CSGALNACT1: variants seen among roughly 807,000 people sequenced by gnomAD.
The protein encoded by CSGALNACT1 is beta4GalNAcT-1.
A neutral mutation model predicts 51.0 loss-of-function variants in CSGALNACT1; 52 were observed. The ratio of observed to expected loss-of-function variants is 1.02; its 90% CI spans 0.82 to 1.29. The LOEUF is 1.29. Ranked by LOEUF, CSGALNACT1 falls within the 50% of genes most tolerant of loss-of-function variation. The probability of loss-of-function intolerance (pLI) is 0.00; values close to 1 mark genes in which losing one functional copy is unlikely to be tolerated. For synonymous variants in CSGALNACT1, 341 were observed against 254.4 expected (o/e 1.34, Z -3.24); for missense variants, 935 against 679.2 (o/e 1.38, Z -4.19).
intron 3 of CSGALNACT1, among the ~76,000 whole-genome samples, chr8:19,544,155 G>C (rs1054664893): frequency 1.3e-5 from 2 of 151,858 alleles, no homozygotes; most frequent in African/African-American, 4.8e-5. Context: ...CAAGGACATG[G>C]CTGTCAAACT....
intron 4 of CSGALNACT1, among the ~76,000 whole-genome samples, chr8:19,462,068 C>G (rs1306733902): frequency 3.3e-5 from 5 of 152,188 alleles, no homozygotes; most frequent in African/African-American, 1.2e-4. Flanking sequence ...CGGCCACATT[C>G]ACCACAGATG....
intron 4 of CSGALNACT1, among the ~76,000 whole-genome samples, chr8:19,481,267 C>T (rs1034617256): frequency 2.0e-5 from 3 of 152,090 alleles, no homozygotes; most frequent in African/African-American, 7.2e-5. Context: ...GGTGTCTGTC[C>T]TTATAGTCTG....
At chr8:19,474,869 G>GAAAAAAAAAAAAA (rs10683237) in intron 4 of CSGALNACT1, among the ~76,000 whole-genome samples, 13 of 86,052 alleles carry the variant, frequency 1.5e-4, no homozygotes, top group African/African-American at 2.4e-4. Context: ...CTCTGTCTCA[G>GAAAAAAAAAAAAA]AAAAAAAAAA....
chr8:19,508,493 T>G (rs2077801548), intron 3 of CSGALNACT1, among the ~76,000 whole-genome samples: 1 of 152,204 alleles, frequency 6.6e-6, no homozygotes, highest in Admixed American at 6.5e-5. Context: ...ATGAAAATCT[T>G]GGGATTTATA....
At chr8:19,676,487 GT>G (rs2154200942) in intron 1 of CSGALNACT1, among the ~76,000 whole-genome samples, 1 of 152,274 alleles carries the variant, frequency 6.6e-6, no homozygotes, top group Non-Finnish European at 1.5e-5. Context: ...AGAAAAGTCA[GT>G]ACTTGAACAT....
At chr8:19,580,098 G>A (rs2045232752) in intron 3 of CSGALNACT1, among the ~76,000 whole-genome samples, 1 of 152,218 alleles carries the variant, frequency 6.6e-6, no homozygotes, top group Non-Finnish European at 1.5e-5. Flanking sequence ...TTCCTGGCCA[G>A]GTTGCACTGG....
chr8:19,638,247 G>T (rs376680484), intron 1 of CSGALNACT1, among the ~76,000 whole-genome samples: 126 of 149,562 alleles, frequency 8.4e-4, no homozygotes, highest in African/African-American at 3.0e-3. Flanking sequence ...CCTGAGAGAG[G>T]TTGGGCTTGA....
chr8:19,664,947 G>A (rs1410636071), intron 1 of CSGALNACT1, among the ~76,000 whole-genome samples: 27 of 152,186 alleles, frequency 1.8e-4, no homozygotes, highest in Non-Finnish European at 5.9e-5. Context: ...TACTATTTGG[G>A]TGATGGCTAC....
chr8:19,600,829 G>GA (rs568732433), intron 2 of CSGALNACT1, among the ~76,000 whole-genome samples: 18,327 of 136,504 alleles, frequency 0.13, 1,238 homozygotes, highest in African/African-American at 0.19. Flanking sequence ...AAAGTTTTTG[G>GA]AAAAAAAAAA....
chr8:19,662,017 C>T (rs1281638181), intron 1 of CSGALNACT1, among the ~76,000 whole-genome samples: 1 of 148,050 alleles, frequency 6.8e-6, no homozygotes, highest in Non-Finnish European at 1.5e-5. Flanking sequence ...GTATTTTTAA[C>T]CATCCCTACC....
chr8:19,630,238 G>C lies in CSGALNACT1; in HGVS notation c.-543-28373C>G, dbSNP rs927251780. Among the ~76,000 whole-genome samples, 4 of 128,322 alleles carry C rather than the reference G, an allele frequency of 3.1e-5. No homozygotes were observed. The East Asian group carries it at 8.4e-4, about 27-fold the overall frequency. The allele number at this position is 128,322 out of a possible 152,430, so 84.2% of individuals were successfully genotyped here. On this transcript the variant is annotated intron_variant, in intron 1 of 9. Transcript: ENST00000332246. The stretch of plus-strand genomic sequence containing the variant: ...TGTGTGTGTGTGTGTGTGTGTGTGT[G>C]TGTGTATGTGTGTGTGTTCTAGTAA...
chr8:19,666,795 GAAAGAAAGAA>G lies in CSGALNACT1; in HGVS notation c.-544+15668_-544+15677del, dbSNP rs757974342. On this transcript the variant is annotated intron_variant, in intron 1 of 9. Transcript: ENST00000332246. ...AGAAAGAAAGAAAGAAAGAAAGAAA[GAAAGAAAGAA>G]AGAAAGAGAGAGAGAGAGAGAGAGA... is the stretch of plus-strand genomic sequence containing the variant. 4.4e-3 allele frequency among the ~76,000 whole-genome samples: 179 copies of G among 40,966 alleles called. 3 individuals are homozygous for G. The highest frequency in any genetic ancestry group is 0.013 in the Middle Eastern group (1 of 76). The allele number at this position is 40,966 out of a possible 152,430, so 26.9% of individuals were successfully genotyped here.
At chr8:19,439,797 G>C (rs752000286) in intron 6 of CSGALNACT1, 33 bp downstream of exon 5, 1 of 1,537,866 alleles carries the variant, frequency 6.5e-7, no homozygotes, top group Non-Finnish European at 9.0e-7. Flanking sequence ...TCAGTTACCA[G>C]GATTCCTTAT....
At chr8:19,736,003 A>G (rs1161995474) in intron 1 of CSGALNACT1, among the ~76,000 whole-genome samples, 2 of 152,332 alleles carry the variant, frequency 1.3e-5, no homozygotes, top group Middle Eastern at 3.4e-3. Flanking sequence ...TTTCACATTC[A>G]ATCTGCATGT....
At chr8:19,659,788 T>G (rs1589325994) in intron 1 of CSGALNACT1, among the ~76,000 whole-genome samples, 1 of 152,342 alleles carries the variant, frequency 6.6e-6, no homozygotes, top group Non-Finnish European at 1.5e-5. Context: ...GAGCACTGTC[T>G]GCCCAGACTG....
At chr8:19,599,320 T>C (rs2049715187) in intron 2 of CSGALNACT1, among the ~76,000 whole-genome samples, 1 of 150,346 alleles carries the variant, frequency 6.7e-6, no homozygotes, top group Non-Finnish European at 1.5e-5. Context: ...AGTGACAAGA[T>C]ACAAGGTGGC....
At chr8:19,624,254 G>A (rs1312067978) in intron 1 of CSGALNACT1, among the ~76,000 whole-genome samples, 1 of 152,106 alleles carries the variant, frequency 6.6e-6, no homozygotes, top group Non-Finnish European at 1.5e-5. Context: ...ACCTGGCTAA[G>A]AGACCTGCCT....
At chr8:19,726,923 C>T (rs896277464) in intron 1 of CSGALNACT1, among the ~76,000 whole-genome samples, 11 of 152,186 alleles carry the variant, frequency 7.2e-5, no homozygotes, top group Non-Finnish European at 1.6e-4. Context: ...AGAACTAAGG[C>T]AGTTCTAGAA....
At chr8:19,708,210 A>G (rs1240362553) in intron 1 of CSGALNACT1, among the ~76,000 whole-genome samples, 1 of 152,174 alleles carries the variant, frequency 6.6e-6, no homozygotes, top group Non-Finnish European at 1.5e-5. Flanking sequence ...CTAATGGTGA[A>G]ATTATGCAAA....
Sources: allele counts gnomAD v4.1 joint callset (sites outside exome capture counted in the v4.1 genomes callset), GRCh38; gene constraint gnomAD v4.1.1; transcripts MANE v1.5; gene names NCBI Gene and HGNC (gene_info 2026-07-23, HGNC 2026-07-21).